Variants in TMC7 observed in about 807,000 individuals in gnomAD.
TMC7 encodes transmembrane channel-like protein 7.
In TMC7, 54 loss-of-function variants were observed where a neutral mutation model predicts 82.9. The ratio of observed to expected loss-of-function variants is 0.65; its 90% CI spans 0.52 to 0.82. The LOEUF (loss-of-function observed/expected upper bound fraction) is 0.82. TMC7 is among the 40% of genes least tolerant of loss of function. The pLI, the probability that TMC7 is intolerant of heterozygous loss-of-function variation, is 0.00. For synonymous variants in TMC7, 350 were observed against 337.9 expected (o/e 1.04, Z -0.39); for missense variants, 820 against 901.2 (o/e 0.91, Z 1.15).
intron 1 of TMC7, among the ~76,000 whole-genome samples, chr16:18,998,117 A>C (rs1464348227): frequency 1.3e-5 from 2 of 152,190 alleles, no homozygotes; most frequent in African/African-American, 4.8e-5. Context: ...TTCCTGCTAC[A>C]AGGACAAAGC....
chr16:18,988,228 C>T (rs2038888305), intron 1 of TMC7, among the ~76,000 whole-genome samples: 1 of 149,126 alleles, frequency 6.7e-6, no homozygotes, highest in Non-Finnish European at 1.5e-5. Flanking sequence ...GATCTCAGCT[C>T]ACTGCAACCT....
At chr16:19,024,347 G>A (rs188195257) in intron 5 of TMC7, among the ~76,000 whole-genome samples, 286 of 152,216 alleles carry the variant, frequency 1.9e-3, no homozygotes, top group African/African-American at 6.5e-3. Context: ...CATGAGCCCA[G>A]AAGGTTGAGG....
intron 2 of TMC7, among the ~76,000 whole-genome samples, chr16:19,009,940 C>CAA (rs773991777): frequency 0.01 from 995 of 97,290 alleles, 27 homozygotes; most frequent in African/African-American, 0.033. Flanking sequence ...GACTCCAGCT[C>CAA]AAAAAAAAAA....
Position 19,024,749 on chromosome 16 carries a change from G to A in TMC7, c.711+1554G>A, listed in dbSNP as rs567207829. Among the ~76,000 whole-genome samples, 3 of 152,170 alleles carry A rather than the reference G, an allele frequency of 2.0e-5. No homozygotes were observed. The South Asian group carries it at 6.2e-4, about 32-fold the overall frequency. On this transcript the variant is annotated intron_variant, in intron 5 of 15. Transcript: ENST00000304381. ...TGGCTCAGTGTGGTGGCTCACACCTGTAATCCCAGCACTTTGGGAGGCCGA... is the reference window on the plus strand; with the variant it reads ...TGGCTCAGTGTGGTGGCTCACACCTATAATCCCAGCACTTTGGGAGGCCGA...
At chr16:19,055,096 AT>A (rs1287096150) in intron 13 of TMC7, among the ~76,000 whole-genome samples, 2 of 151,976 alleles carry the variant, frequency 1.3e-5, no homozygotes, top group Non-Finnish European at 2.9e-5. Flanking sequence ...GGTTGGCTGA[AT>A]TTGATGAAGA....
chr16:19,009,961 GTTTCTTTCTTTCTTTCTTTTC>G (rs2039309289), intron 2 of TMC7, among the ~76,000 whole-genome samples: 1 of 145,542 alleles, frequency 6.9e-6, no homozygotes, highest in Non-Finnish European at 1.5e-5. Flanking sequence ...AAAAAAAGAA[GTTTCTTTCTTTCTTTCTTTTC>G]TTTCTTTCTT....
At position 19,013,281 on chromosome 16, in the gene TMC7, C is replaced by T. The variant is rs938457147; in HGVS notation, c.312-3169C>T. ...TTGCCCGGGCTGGAGTGCAATGGTG[C>T]GATCTCGGCTCACCACAACCTCTGC... On this transcript the variant is annotated intron_variant, in intron 2 of 15. Transcript: ENST00000304381. Among the ~76,000 whole-genome samples the T allele has an allele frequency of 2.7e-5, 4 of 150,788 alleles. No individual in the cohort carries two copies. The East Asian group carries it at 7.9e-4, about 30-fold the overall frequency.
At chr16:19,041,717 A>G (rs1295830490) in intron 9 of TMC7, among the ~76,000 whole-genome samples, 1 of 152,072 alleles carries the variant, frequency 6.6e-6, no homozygotes. Flanking sequence ...ATATATAACC[A>G]TCATCACACC....
At chr16:19,049,727 C>T (rs1025295480) in intron 12 of TMC7, 3 of 921,066 alleles carry the variant, frequency 3.3e-6, no homozygotes, top group Non-Finnish European at 3.9e-6. Flanking sequence ...CAGGCATGTC[C>T]CGCCGGCTGC....
At chr16:19,026,134 G>A (rs1309374321) in intron 5 of TMC7, among the ~76,000 whole-genome samples, 1 of 151,250 alleles carries the variant, frequency 6.6e-6, no homozygotes, top group Non-Finnish European at 1.5e-5. Context: ...AACAACCCAG[G>A]GGAATTGTTG....
intron 12 of TMC7, among the ~76,000 whole-genome samples, chr16:19,048,322 C>A (rs553691066): frequency 6.6e-6 from 1 of 152,034 alleles, no homozygotes; most frequent in Admixed American, 6.6e-5. Context: ...AGACCCTGGG[C>A]GGTTCACAGT....
At chr16:19,037,580 C>T (rs965663542) in intron 7 of TMC7, among the ~76,000 whole-genome samples, 3 of 151,158 alleles carry the variant, frequency 2.0e-5, no homozygotes, top group African/African-American at 7.3e-5. Context: ...AAGCAATCTT[C>T]CACATCAGCC....
intron 9 of TMC7, among the ~76,000 whole-genome samples, chr16:19,041,068 T>A (rs1037275413): frequency 2.7e-5 from 4 of 150,430 alleles, no homozygotes; most frequent in Non-Finnish European, 4.4e-5. Flanking sequence ...TTAAAAAAAT[T>A]TTTTTTTTTG....
chr16:19,003,889 C>T (rs1470604034), intron 1 of TMC7, among the ~76,000 whole-genome samples: 2 of 118,818 alleles, frequency 1.7e-5, no homozygotes, highest in African/African-American at 6.6e-5. Flanking sequence ...GGGACACAAA[C>T]ACTGCGGAAG....
chr16:19,001,192 A>G (rs1034735947), intron 1 of TMC7, among the ~76,000 whole-genome samples: 1 of 152,098 alleles, frequency 6.6e-6, no homozygotes, highest in African/African-American at 2.4e-5. Flanking sequence ...GATCTAACCT[A>G]TCTTGTATCC....
At chr16:19,028,975 A>C (rs944048961) in intron 5 of TMC7, among the ~76,000 whole-genome samples, 1 of 148,048 alleles carries the variant, frequency 6.8e-6, no homozygotes, top group African/African-American at 2.5e-5. Flanking sequence ...TTTTTAAAAA[A>C]AAATTTTTAA....
At chr16:18,996,698 GAC>G (rs2039048744) in intron 1 of TMC7, among the ~76,000 whole-genome samples, 2 of 152,194 alleles carry the variant, frequency 1.3e-5, no homozygotes, top group Admixed American at 1.3e-4. Flanking sequence ...GAAAGGTGGA[GAC>G]ACAGAGAAGG....
chr16:19,024,486 A>G (rs779333030), intron 5 of TMC7, among the ~76,000 whole-genome samples: 28 of 152,288 alleles, frequency 1.8e-4, no homozygotes, highest in Non-Finnish European at 2.2e-4. Flanking sequence ...GATTGCAGCT[A>G]TGAAAAGTGG....
In TMC7 at chr16:19,030,361, A is replaced by G. The variant is rs374196164; in HGVS notation, c.849A>G (p.Ile283Met). ...IASLALSLLW[I>M]VKRSVEGFKI... The stretch of plus-strand genomic sequence containing the variant: ...CCCTGGCCCTGAGCCTTCTTTGGAT[A>G]GTGAAAAGGTAAAGTCTGCCTTTGC... The change falls in exon 6 of 16, where the codon ATA (isoleucine) becomes ATG (methionine). Residue 283 changes from isoleucine (I) to methionine (M), a missense_variant. By Grantham distance (10) the Ile-to-Met change is conservative. This residue lies in a region of TMC7 where 650 missense variants were observed against 669.9 expected (regional missense o/e 0.97). Coordinates refer to ENST00000304381, the MANE Select transcript of TMC7 (RefSeq NM_024847.4). The G allele has an allele frequency of 1.2e-6, 2 of 1,609,624 alleles. No homozygotes were observed. Among genetic ancestry groups the G allele is most frequent in the African/African-American group, 2.7e-5 (2 of 74,760 alleles).
Sources: allele counts gnomAD v4.1 joint callset (sites outside exome capture counted in the v4.1 genomes callset), GRCh38; gene constraint gnomAD v4.1.1; regional missense constraint gnomAD v4.1.1; transcripts MANE v1.5; gene names NCBI Gene and HGNC (gene_info 2026-07-23, HGNC 2026-07-21).